Variants in ZBTB40 observed in about 807,000 individuals in gnomAD.
ZBTB40 encodes zinc finger and BTB domain containing 40.
ZBTB40 carries 60 observed loss-of-function variants against 117.5 expected under a neutral mutation model. The observed-to-expected ratio is 0.51, with a 90% CI of 0.41 to 0.63. ZBTB40 has a LOEUF of 0.63. ZBTB40 is among the 30% of genes least tolerant of loss of function. The pLI, the probability that ZBTB40 is intolerant of heterozygous loss-of-function variation, is 0.00. For synonymous variants in ZBTB40, 525 were observed against 577.1 expected (o/e 0.91, Z 1.29); for missense variants, 1,287 against 1,498.5 (o/e 0.86, Z 2.33).
chr1:22,505,828 G>GA (rs1458702844), intron 5 of ZBTB40, among the ~76,000 whole-genome samples: 1 of 152,156 alleles, frequency 6.6e-6, no homozygotes, highest in Non-Finnish European at 1.5e-5. Flanking sequence ...CTGCAATTGA[G>GA]AAAGAAAGAT....
chr1:22,498,409 G>A (rs1638839294), intron 3 of ZBTB40, among the ~76,000 whole-genome samples: 1 of 152,200 alleles, frequency 6.6e-6, no homozygotes, highest in Non-Finnish European at 1.5e-5. Context: ...GGAGCCCTAG[G>A]CAGCTTTAGG....
At chr1:22,505,203 G>A (rs1639046087) in intron 5 of ZBTB40, among the ~76,000 whole-genome samples, 1 of 152,176 alleles carries the variant, frequency 6.6e-6, no homozygotes, top group African/African-American at 2.4e-5. Flanking sequence ...CTGTGAATCT[G>A]TAGATTACAT....
intron 1 of ZBTB40, among the ~76,000 whole-genome samples, chr1:22,481,598 T>C (rs1638319003): frequency 6.6e-6 from 1 of 152,026 alleles, no homozygotes; most frequent in South Asian, 2.1e-4. Context: ...GGGTGAATCT[T>C]CTCTTGTTTA....
At chr1:22,442,848 GTATTGAAGAAC>G (rs1178732391) in intron 1 of ZBTB40, among the ~76,000 whole-genome samples, 1 of 152,166 alleles carries the variant, frequency 6.6e-6, no homozygotes, top group African/African-American at 2.4e-5. Flanking sequence ...GTCTCCAACT[GTATTGAAGAAC>G]TATATCATTC....
chr1:22,502,145 T>C (rs899316569), intron 4 of ZBTB40, among the ~76,000 whole-genome samples, 154 bp from the exon 5 acceptor site: 21 of 152,214 alleles, frequency 1.4e-4, no homozygotes, highest in Non-Finnish European at 2.1e-4. Context: ...AATAATAAAG[T>C]ATTTTCCTCT....
intron 3 of ZBTB40, among the ~76,000 whole-genome samples, chr1:22,494,449 T>C (rs1638719765): frequency 1.3e-5 from 2 of 152,240 alleles, no homozygotes; most frequent in South Asian, 4.1e-4. Context: ...TGTTAAAATG[T>C]ATACCTCCAG....
At chr1:22,475,905 C>T (rs1167338831) in intron 1 of ZBTB40, among the ~76,000 whole-genome samples, 1 of 152,152 alleles carries the variant, frequency 6.6e-6, no homozygotes, top group East Asian at 1.9e-4. Context: ...GTGTGTATTG[C>T]TGGCTGAAGA....
intron 1 of ZBTB40, among the ~76,000 whole-genome samples, chr1:22,483,153 A>G (rs1198043504): frequency 6.6e-6 from 1 of 150,698 alleles, no homozygotes; most frequent in Non-Finnish European, 1.5e-5. Flanking sequence ...ATATCTTTTT[A>G]GCACTTTTTA....
chr1:22,530,471 G>A lies in ZBTB40; in HGVS notation c.*4075G>A, dbSNP rs1329755447. 1 of 152,088 alleles carries A rather than the reference G, an allele frequency of 6.6e-6. No individual in the cohort carries two copies. The highest frequency in any genetic ancestry group is 1.5e-5 in the Non-Finnish European group (1 of 67,996). The allele number at this position is 152,088 out of a possible 1,614,324, so 9.4% of individuals were successfully genotyped here. A position where few individuals can be genotyped will look rare whatever the true frequency, so the allele number is the denominator to read the frequency against. On this transcript the variant is annotated 3_prime_UTR_variant, in exon 18 of 18. Transcript: ENST00000375647. ...AAGAGAGAAGCTGTCTGTACTTTGG[G>A]GACTACATTGCTGAAGGAAAAAAAT... is the stretch of plus-strand genomic sequence containing the variant.
At chr1:22,504,413 A>G (rs1341891342) in intron 5 of ZBTB40, among the ~76,000 whole-genome samples, 1 of 152,166 alleles carries the variant, frequency 6.6e-6, no homozygotes, top group East Asian at 1.9e-4. Context: ...GACTTTTTAA[A>G]CATTATTAAG....
At chr1:22,451,485 G>T (rs1640867646), upstream of ZBTB40, among the ~76,000 whole-genome samples, 1 of 148,766 alleles carries the variant, frequency 6.7e-6, no homozygotes, top group African/African-American at 2.5e-5. Context: ...AAATAGAAGA[G>T]AAAAAAAAAA....
In ZBTB40 at chr1:22,429,910, G is replaced by T. The variant is rs888401317; in HGVS notation, c.-70+896G>T. Among the ~76,000 whole-genome samples the T allele has an allele frequency of 2.6e-5, 4 of 152,196 alleles. No homozygotes were observed. The South Asian group carries it at 6.2e-4, about 24-fold the overall frequency. On this transcript the variant is annotated intron_variant, in intron 1 of 8. Transcript: ENST00000650433. ...CCCGGGAGGCTGAGGCAGGAGAATCGCTTGAACCCCGGGAGGCGGAGGGTT... is the reference window on the plus strand; with the variant it reads ...CCCGGGAGGCTGAGGCAGGAGAATCTCTTGAACCCCGGGAGGCGGAGGGTT...
intron 4 of ZBTB40, among the ~76,000 whole-genome samples, 158 bp downstream of exon 4, chr1:22,501,842 C>G (rs546241031): frequency 2.0e-5 from 3 of 152,190 alleles, no homozygotes; most frequent in African/African-American, 7.2e-5. Context: ...TAAATATACA[C>G]CAACTAAATT....
chr1:22,502,508 G>A (rs1638965380), intron 5 of ZBTB40, 67 bp downstream of exon 5: 27 of 1,595,372 alleles, frequency 1.7e-5, no homozygotes, highest in Non-Finnish European at 2.3e-5. Context: ...TGCTTTTGTG[G>A]CACATAGCAC....
At chr1:22,483,204 ACTT>A (rs1167421035) in intron 1 of ZBTB40, among the ~76,000 whole-genome samples, 4 of 151,984 alleles carry the variant, frequency 2.6e-5, no homozygotes, top group Non-Finnish European at 5.9e-5. Context: ...CATTATATCT[ACTT>A]CTTGGTTGCT....
intron 9 of ZBTB40, among the ~76,000 whole-genome samples, chr1:22,510,335 G>T (rs1183471702): frequency 6.6e-6 from 1 of 152,140 alleles, no homozygotes; most frequent in Non-Finnish European, 1.5e-5. Flanking sequence ...CATTTCTGTG[G>T]GGCTTCAGAG....
At chr1:22,472,950 G>C (rs1185527858) in intron 1 of ZBTB40, among the ~76,000 whole-genome samples, 1 of 152,204 alleles carries the variant, frequency 6.6e-6, no homozygotes, top group Non-Finnish European at 1.5e-5. Flanking sequence ...CTGGTTGTTA[G>C]GATCCTCCAT....
intron 1 of ZBTB40, among the ~76,000 whole-genome samples, chr1:22,437,916 A>G (rs112406157): frequency 0.013 from 1,999 of 151,770 alleles, 15 homozygotes; most frequent in Non-Finnish European, 0.019. Context: ...CCTGGTCTCA[A>G]GGTCGGGAGT....
At chr1:22,518,559 C>T (rs1337008401) in intron 13 of ZBTB40, among the ~76,000 whole-genome samples, 1 of 152,178 alleles carries the variant, frequency 6.6e-6, no homozygotes, top group Non-Finnish European at 1.5e-5. Flanking sequence ...ACCCCTCTTC[C>T]CACACACCAG....
Sources: gnomAD v4.1 joint callset for allele counts (sites outside exome capture counted in the v4.1 genomes callset) on GRCh38, gnomAD v4.1.1 for gene constraint, MANE v1.5 for transcripts, NCBI Gene and HGNC (gene_info 2026-07-23, HGNC 2026-07-21) for gene names.